The following NRXN3 variants were observed in gnomAD, a reference collection of about 807,000 sequenced individuals.
NRXN3 encodes the protein neurexin 3.
NRXN3 carries 32 observed loss-of-function variants against 137.6 expected under a neutral mutation model. That is an observed-to-expected ratio of 0.23 (90% CI 0.18 to 0.31). The LOEUF (loss-of-function observed/expected upper bound fraction) is 0.31, where lower values mean the gene tolerates loss of function less well. Ranked by LOEUF, NRXN3 falls within the 10% of genes least tolerant of loss-of-function variation. The pLI is 1.00. For synonymous variants in NRXN3, 798 were observed against 784.5 expected (o/e 1.02, Z -0.29); for missense variants, 1,574 against 2,062.5 (o/e 0.76, Z 4.59).
intron 10 of NRXN3, among the ~76,000 whole-genome samples, chr14:78,956,458 G>A (rs1567814168): frequency 6.6e-6 from 1 of 152,120 alleles, no homozygotes; most frequent in Non-Finnish European, 1.5e-5. Context: ...TGAGCATCTG[G>A]AGCATGGATC....
chr14:79,660,626 A>G (rs2098528783), intron 16 of NRXN3, among the ~76,000 whole-genome samples: 1 of 152,196 alleles, frequency 6.6e-6, no homozygotes, highest in African/African-American at 2.4e-5. Context: ...TCACTGAGCC[A>G]GAACCGTACT....
intron 15 of NRXN3, among the ~76,000 whole-genome samples, chr14:79,141,124 A>G (rs1329601697): frequency 1.3e-5 from 2 of 152,164 alleles, no homozygotes; most frequent in Admixed American, 6.5e-5. Flanking sequence ...TGGTGCCTTT[A>G]ATTGGCCATT....
intron 15 of NRXN3, among the ~76,000 whole-genome samples, chr14:79,003,004 G>GT (rs1180879933): frequency 2.0e-5 from 3 of 152,082 alleles, no homozygotes; most frequent in African/African-American, 4.8e-5. Flanking sequence ...GTCTTGCTCT[G>GT]TCACCAAGAC....
chr14:79,528,659 A>G (rs546991399), intron 16 of NRXN3, among the ~76,000 whole-genome samples: 15 of 752 alleles, frequency 0.02, no homozygotes, highest in Admixed American at 0.14. Context: ...TGTGTATGGT[A>G]AAAAAAAAAA....
At chr14:79,831,309 G>A (rs2099322664) in intron 20 of NRXN3, among the ~76,000 whole-genome samples, 1 of 152,182 alleles carries the variant, frequency 6.6e-6, no homozygotes, top group Admixed American at 6.5e-5. Flanking sequence ...GCTAGTGAGT[G>A]ACAGATTTCA....
At chr14:78,629,119 C>T (rs2097496118) in intron 4 of NRXN3, among the ~76,000 whole-genome samples, 1 of 152,186 alleles carries the variant, frequency 6.6e-6, no homozygotes, top group African/African-American at 2.4e-5. Flanking sequence ...TAGCTGGCAT[C>T]ATCACTATCA....
At chr14:78,342,066 G>C (rs992128770) in intron 4 of NRXN3, among the ~76,000 whole-genome samples, 3 of 152,172 alleles carry the variant, frequency 2.0e-5, no homozygotes, top group Non-Finnish European at 2.9e-5. Flanking sequence ...TTTATCAACT[G>C]TCCAGGTTTG....
At chr14:78,454,767 AAG>A (rs1465357501) in intron 4 of NRXN3, among the ~76,000 whole-genome samples, 1 of 152,168 alleles carries the variant, frequency 6.6e-6, no homozygotes, top group Non-Finnish European at 1.5e-5. Context: ...GCAAGGAGGG[AAG>A]AGAAGAGTGT....
At chr14:79,699,032 G>A (rs1256054293) in intron 19 of NRXN3, among the ~76,000 whole-genome samples, 1 of 151,910 alleles carries the variant, frequency 6.6e-6, no homozygotes, top group South Asian at 2.1e-4. Context: ...TATCCAGACA[G>A]CTCTTTGCAT....
intron 16 of NRXN3, among the ~76,000 whole-genome samples, chr14:79,532,851 G>A (rs2153722331): frequency 6.6e-6 from 1 of 152,284 alleles, no homozygotes; most frequent in East Asian, 1.9e-4. Context: ...TGTCACTTGA[G>A]GCACTTCTGA....
intron 4 of NRXN3, among the ~76,000 whole-genome samples, chr14:78,453,043 T>C (rs2094588488): frequency 6.6e-6 from 1 of 152,204 alleles, no homozygotes. Flanking sequence ...GAACAAGCCT[T>C]CAATAGACCA....
chr14:78,874,251 C>T lies in NRXN3; in HGVS notation c.2275+63907C>T, dbSNP rs144974038. ...ACTCCCGAAGTTCTGGGATTACAGG[C>T]GTGAGCCACTGTGCCTGGCATGAAG... On this transcript the variant is annotated intron_variant, in intron 10 of 20. Coordinates refer to ENST00000335750, the MANE Select transcript of NRXN3 (RefSeq NM_001330195.2). Among the ~76,000 whole-genome samples the T allele has an allele frequency of 3.8e-3, 571 of 152,212 alleles. 4 individuals carry two copies. Among genetic ancestry groups the T allele is most frequent in the African/African-American group, 0.013 (544 of 41,558 alleles).
intron 15 of NRXN3, among the ~76,000 whole-genome samples, chr14:79,379,590 C>T (rs150959353): frequency 1.3e-5 from 2 of 152,284 alleles, no homozygotes; most frequent in Non-Finnish European, 2.9e-5. Flanking sequence ...ATTTTCAGAG[C>T]TGTGACGGCA....
chr14:79,538,482 G>A (rs994114191), intron 16 of NRXN3, among the ~76,000 whole-genome samples: 3 of 152,106 alleles, frequency 2.0e-5, no homozygotes, highest in Non-Finnish European at 2.9e-5. Flanking sequence ...TTTTGTATAA[G>A]GTGTAAGGAA....
At chr14:79,552,308 A>C (rs1308523809) in intron 16 of NRXN3, among the ~76,000 whole-genome samples, 1 of 152,140 alleles carries the variant, frequency 6.6e-6, no homozygotes, top group Non-Finnish European at 1.5e-5. Context: ...AGGTATGATT[A>C]CTGCATGTTA....
chr14:79,666,283 A>G (rs1293352946), intron 17 of NRXN3, among the ~76,000 whole-genome samples: 4 of 152,258 alleles, frequency 2.6e-5, no homozygotes, highest in East Asian at 3.9e-4. Context: ...TTCCTAGTCT[A>G]GACAACCAGG....
intron 15 of NRXN3, among the ~76,000 whole-genome samples, chr14:79,446,342 A>G (rs1270307814): frequency 3.3e-5 from 5 of 152,246 alleles, no homozygotes; most frequent in Non-Finnish European, 2.9e-5. Flanking sequence ...CTTAGGTAGT[A>G]CACAGCCCTT....
chr14:79,850,523 A>G (rs1447990286), intron 20 of NRXN3, among the ~76,000 whole-genome samples: 1 of 152,204 alleles, frequency 6.6e-6, no homozygotes, highest in Non-Finnish European at 1.5e-5. Context: ...AACAACTGTA[A>G]TATCGCATTT....
chr14:79,294,167 C>T (rs1311943523), intron 15 of NRXN3, among the ~76,000 whole-genome samples: 1 of 152,124 alleles, frequency 6.6e-6, no homozygotes, highest in Admixed American at 6.5e-5. Flanking sequence ...TTGGTTTTTC[C>T]GTGATTATTT....
Sources: allele counts gnomAD v4.1 joint callset (sites outside exome capture counted in the v4.1 genomes callset), GRCh38; gene constraint gnomAD v4.1.1; transcripts MANE v1.5; gene names NCBI Gene and HGNC (gene_info 2026-07-23, HGNC 2026-07-21).